Variants in DAB1 observed in about 807,000 individuals in gnomAD.
DAB1 encodes disabled homolog 1.
In DAB1, 15 loss-of-function variants were observed where a neutral mutation model predicts 64.6. The ratio of observed to expected loss-of-function variants is 0.23; its 90% CI spans 0.16 to 0.36. The LOEUF is 0.36. Ranked by LOEUF, DAB1 falls within the 10% of genes least tolerant of loss-of-function variation. The probability of loss-of-function intolerance (pLI) is 1.00; values close to 1 mark genes in which losing one functional copy is unlikely to be tolerated. For synonymous variants in DAB1, 235 were observed against 251.9 expected, an observed-to-expected ratio of 0.93 and a Z score of 0.64; for missense variants, 596 against 706.7, an observed-to-expected ratio of 0.84 and a Z score of 1.78.
intron 5 of DAB1, among the ~76,000 whole-genome samples, chr1:57,982,958 G>T (rs749329091): frequency 6.6e-6 from 1 of 152,148 alleles, no homozygotes; most frequent in East Asian, 1.9e-4. Flanking sequence ...AAGAGAAAAC[G>T]AAGGCTCAGA....
At chr1:57,512,273 T>A (rs1457381136) in intron 7 of DAB1, among the ~76,000 whole-genome samples, 1 of 152,212 alleles carries the variant, frequency 6.6e-6, no homozygotes, top group African/African-American at 2.4e-5. Context: ...GCTCTCTTCA[T>A]CCCCAGGATC....
intron 3 of DAB1, among the ~76,000 whole-genome samples, chr1:58,410,201 A>G (rs537641361): frequency 1.3e-5 from 2 of 152,354 alleles, no homozygotes; most frequent in East Asian, 3.9e-4. Flanking sequence ...GGAATTGAAA[A>G]GATGCCATGC....
At chr1:58,152,239 G>A (rs35150185) in intron 4 of DAB1, among the ~76,000 whole-genome samples, 10,263 of 152,114 alleles carry the variant, frequency 0.067, 394 homozygotes, top group Admixed American at 0.088. Flanking sequence ...TCTACAAGCT[G>A]GAATTTCATT....
intron 7 of DAB1, among the ~76,000 whole-genome samples, chr1:57,552,295 C>T (rs951217344): frequency 1.1e-4 from 17 of 152,146 alleles, no homozygotes; most frequent in Admixed American, 2.0e-4. Context: ...CACTCAGCAC[C>T]CACTTGGTGC....
intron 1 of DAB1, among the ~76,000 whole-genome samples, chr1:57,300,911 G>A (rs1673591012): frequency 6.6e-6 from 1 of 151,900 alleles, no homozygotes; most frequent in African/African-American, 2.4e-5. Flanking sequence ...AGGTGACAGG[G>A]GCCACCACAG....
chr1:57,563,181 A>G (rs1645073388), intron 7 of DAB1, among the ~76,000 whole-genome samples: 1 of 152,230 alleles, frequency 6.6e-6, no homozygotes, highest in South Asian at 2.1e-4. Context: ...GAAGGCGGTC[A>G]TCAATACCAG....
Position 58,109,560 on chromosome 1 carries a change from T to C in DAB1, n.387+40951A>G, listed in dbSNP as rs1651854266. Among the ~76,000 whole-genome samples, 4 of 152,002 alleles carry C rather than the reference T, an allele frequency of 2.6e-5. No homozygotes were observed. The East Asian group carries it at 7.7e-4, about 29-fold the overall frequency. ...TGACTTTGCTCTAGCCCAGGTGTCA[T>C]TCCTCTCAAAAACCAAACACTCTTT... On this transcript the variant is annotated intron_variant and non_coding_transcript_variant, in intron 5 of 20. Transcript: ENST00000485760.
chr1:57,054,909 T>C (rs1169999980), intron 9 of DAB1, among the ~76,000 whole-genome samples: 4 of 152,172 alleles, frequency 2.6e-5, no homozygotes, highest in Non-Finnish European at 5.9e-5. Context: ...TGGTGATAAA[T>C]TAATCAGCTC....
intron 1 of DAB1, among the ~76,000 whole-genome samples, chr1:57,390,911 A>G (rs1177549637): frequency 1.3e-5 from 2 of 152,196 alleles, no homozygotes; most frequent in African/African-American, 4.8e-5. Flanking sequence ...TCTCCTAAAT[A>G]CATCTGTACG....
At chr1:57,569,091 T>C (rs1202235691) in intron 7 of DAB1, among the ~76,000 whole-genome samples, 4 of 150,074 alleles carry the variant, frequency 2.7e-5, no homozygotes, top group Non-Finnish European at 5.9e-5. Context: ...ACCCCGTCTC[T>C]ACTAAAAATA....
chr1:57,493,056 G>A (rs1644184123), intron 7 of DAB1, among the ~76,000 whole-genome samples: 1 of 151,986 alleles, frequency 6.6e-6, no homozygotes, highest in African/African-American at 2.4e-5. Flanking sequence ...ATGTCACATA[G>A]CAGCCCGCCT....
intron 8 of DAB1, among the ~76,000 whole-genome samples, chr1:57,068,360 A>G (rs1465146258): frequency 2.0e-4 from 30 of 152,202 alleles, no homozygotes; most frequent in Admixed American, 2.0e-3. Flanking sequence ...GATCCAGTGG[A>G]GAGAAAATAT....
intron 2 of DAB1, among the ~76,000 whole-genome samples, chr1:57,172,337 T>C (rs7546422): frequency 0.59 from 89,718 of 151,990 alleles, 27,091 homozygotes; most frequent in African/African-American, 0.71. Flanking sequence ...GGTGCTTTAT[T>C]CATGTTAGCT....
chr1:57,209,731 T>C (rs58148876), intron 2 of DAB1, among the ~76,000 whole-genome samples: 25,785 of 152,184 alleles, frequency 0.17, 2,445 homozygotes, highest in Admixed American at 0.28. Flanking sequence ...CCAATGTGTG[T>C]AATGCCTAGT....
At chr1:58,372,683 G>A (rs1186977946) in intron 3 of DAB1, among the ~76,000 whole-genome samples, 1 of 152,208 alleles carries the variant, frequency 6.6e-6, no homozygotes, top group African/African-American at 2.4e-5. Context: ...TGCCGAGGGA[G>A]GAACCTGGTG....
chr1:58,351,847 A>G (rs1487019413), intron 3 of DAB1, among the ~76,000 whole-genome samples: 1 of 146,084 alleles, frequency 6.8e-6, no homozygotes, highest in East Asian at 2.0e-4. Context: ...GACCCTTAAG[A>G]AGCCTGTTGA....
chr1:57,117,620 A>G (rs912451712), intron 4 of DAB1, among the ~76,000 whole-genome samples: 4 of 152,328 alleles, frequency 2.6e-5, no homozygotes, highest in African/African-American at 9.6e-5. Flanking sequence ...AGTGCGGTAT[A>G]TGTCATTATT....
chr1:57,109,156 G>T (rs1217315568), intron 4 of DAB1, among the ~76,000 whole-genome samples: 2 of 152,094 alleles, frequency 1.3e-5, no homozygotes, highest in African/African-American at 4.8e-5. Context: ...CTGCTTCTAG[G>T]GGGCCTCTTT....
intron 2 of DAB1, among the ~76,000 whole-genome samples, chr1:57,204,558 T>G (rs1369026160): frequency 6.6e-6 from 1 of 152,138 alleles, no homozygotes; most frequent in Admixed American, 6.5e-5. Flanking sequence ...AAGGAAGACT[T>G]AGATTTGGCA....
Sources: gnomAD v4.1 joint callset for allele counts (sites outside exome capture counted in the v4.1 genomes callset) on GRCh38, gnomAD v4.1.1 for gene constraint, MANE v1.5 for transcripts, NCBI Gene and HGNC (gene_info 2026-07-23, HGNC 2026-07-21) for gene names.